KIF26B: variants seen among roughly 807,000 people sequenced by gnomAD.
KIF26B encodes the protein kinesin-like protein KIF26B.
Under a neutral mutation model 151.2 loss-of-function variants are expected in KIF26B, and 63 were observed. The observed-to-expected ratio is 0.42, with a 90% CI of 0.34 to 0.51. KIF26B has a LOEUF of 0.51. Ranked by LOEUF, KIF26B falls within the 20% of genes least tolerant of loss-of-function variation. The probability of loss-of-function intolerance (pLI) is 0.07; values close to 1 mark genes in which losing one functional copy is unlikely to be tolerated. For missense variants in KIF26B, 2,813 were observed against 2,913.6 expected, an observed-to-expected ratio of 0.97 and a Z score of 0.79; for synonymous variants, 1,357 against 1,262.1, an observed-to-expected ratio of 1.08 and a Z score of -1.59.
chr1:245,487,752 C>T (rs1166525260), intron 4 of KIF26B, among the ~76,000 whole-genome samples: 1 of 150,916 alleles, frequency 6.6e-6, no homozygotes, highest in African/African-American at 2.4e-5. Context: ...CACATGTCAC[C>T]ACATCCAGCT....
At chr1:245,508,972 T>A (rs1352593672) in intron 4 of KIF26B, among the ~76,000 whole-genome samples, 1 of 152,232 alleles carries the variant, frequency 6.6e-6, no homozygotes, top group Non-Finnish European at 1.5e-5. Flanking sequence ...AAGTGTTTCT[T>A]TACTGTGAAG....
intron 2 of KIF26B, among the ~76,000 whole-genome samples, chr1:245,279,306 CT>C (rs5782332): frequency 2.4e-3 from 319 of 132,590 alleles, no homozygotes; most frequent in African/African-American, 2.5e-3. Context: ...TTTTTTCTTT[CT>C]TTTTTTTTTT....
intron 3 of KIF26B, among the ~76,000 whole-genome samples, chr1:245,404,226 T>C (rs945383303): frequency 2.5e-4 from 36 of 145,584 alleles, no homozygotes; most frequent in African/African-American, 9.4e-4. Flanking sequence ...TTTTTTTTTA[T>C]AAAGCGTAGA....
chr1:245,702,319 C>G lies in KIF26B; in HGVS notation c.6179-139C>G. On this transcript the variant is annotated intron_variant, in intron 14 of 14. Coordinates refer to ENST00000407071, the MANE Select transcript of KIF26B (RefSeq NM_018012.4). The surrounding 1 kb of genome is among the most constrained non-coding windows in gnomAD (Gnocchi z 4.1). Reference sequence around the variant, plus strand: ...GCCGAGAATCAGGCAGGAGGGAACTCTGCAGTGGCCTAAGGCAAGCGAACT... The same window carrying G: ...GCCGAGAATCAGGCAGGAGGGAACTGTGCAGTGGCCTAAGGCAAGCGAACT... The G allele has an allele frequency of 1.3e-6, 1 of 783,450 alleles. No homozygotes were observed. The highest frequency in any genetic ancestry group is 2.1e-6 in the Non-Finnish European group (1 of 485,018). The allele number at this position is 783,450 out of a possible 1,614,324, so 48.5% of individuals were successfully genotyped here.
chr1:245,437,244 G>A (rs1452921902), intron 4 of KIF26B, among the ~76,000 whole-genome samples: 1 of 152,136 alleles, frequency 6.6e-6, no homozygotes, highest in Non-Finnish European at 1.5e-5. Flanking sequence ...CAGACTCTCA[G>A]GTGGCACTCA....
intron 9 of KIF26B, among the ~76,000 whole-genome samples, chr1:245,634,870 G>A (rs1441391697): frequency 1.3e-5 from 2 of 151,904 alleles, no homozygotes; most frequent in African/African-American, 4.8e-5. Flanking sequence ...GCACCACTGT[G>A]CCCAGCTAAT....
Position 245,687,763 on chromosome 1 carries a change from G to C in KIF26B, c.4780G>C (p.Gly1594Arg), listed in dbSNP as rs1201899670. 4 of 1,580,958 alleles carry C rather than the reference G, an allele frequency of 2.5e-6. No homozygotes were observed. The East Asian group carries it at 9.4e-5, about 37-fold the overall frequency. ...GCACTGTGTTCTGGCTCGGCCCAAA[G>C]GGACTCCCCCTCTGCCCCCTGTCCG... ...PKHCVLARPKGTPPLPPVRKS... is the reference protein window; with the variant it reads ...PKHCVLARPKRTPPLPPVRKS... Residue 1594 changes from glycine (G) to arginine (R), a missense_variant, in exon 12 of 15, where the codon GGG (glycine) becomes CGG (arginine). Gly to Arg is a moderately radical substitution (Grantham distance 125). Around this residue, in one of 3 missense-constraint regions of KIF26B, gnomAD observed 2,060 missense variants for 2,088.6 expected, o/e 0.99. Coordinates refer to ENST00000407071, the MANE Select transcript of KIF26B (RefSeq NM_018012.4). This position sits in a 1 kb window ranked among gnomAD's most constrained non-coding sequence, Gnocchi z 4.9.
chr1:245,610,106 C>G (rs2043503033), intron 8 of KIF26B, among the ~76,000 whole-genome samples: 1 of 152,212 alleles, frequency 6.6e-6, no homozygotes, highest in Non-Finnish European at 1.5e-5. Flanking sequence ...GACCCGGGAG[C>G]TGCAATTCAT....
intron 2 of KIF26B, among the ~76,000 whole-genome samples, chr1:245,294,878 G>A (rs1671312163): frequency 6.6e-6 from 1 of 152,138 alleles, no homozygotes; most frequent in Admixed American, 6.5e-5. Context: ...GGCCAGGCTG[G>A]TCTCGAACTC....
At chr1:245,463,664 G>A (rs1341303416) in intron 4 of KIF26B, among the ~76,000 whole-genome samples, 1 of 152,180 alleles carries the variant, frequency 6.6e-6, no homozygotes, top group Admixed American at 6.5e-5. Flanking sequence ...CCTATTGCCT[G>A]CTGTCCTGTG....
intron 2 of KIF26B, among the ~76,000 whole-genome samples, chr1:245,195,053 T>A (rs1669168327): frequency 6.6e-6 from 1 of 152,220 alleles, no homozygotes; most frequent in South Asian, 2.1e-4. Flanking sequence ...TTACTTTTTA[T>A]GGGCTCTACT....
Position 245,375,189 on chromosome 1 carries a change from C to T in KIF26B, c.999+7822C>T, listed in dbSNP as rs1452095806. Among the ~76,000 whole-genome samples the T allele has an allele frequency of 1.3e-5, 2 of 152,112 alleles. No individual in the cohort carries two copies. Among genetic ancestry groups the T allele is most frequent in the East Asian group, 1.9e-4 (1 of 5,174 alleles). ...GCAACCTCCACCTCCCAGGTTCAAG[C>T]GATTCTCCTGCCTCAACCTCGGGAT... On this transcript the variant is annotated intron_variant, in intron 3 of 14. Coordinates refer to ENST00000407071, the MANE Select transcript of KIF26B (RefSeq NM_018012.4). This position sits in a 1 kb window ranked among gnomAD's most constrained non-coding sequence, Gnocchi z 4.2.
intron 4 of KIF26B, among the ~76,000 whole-genome samples, chr1:245,510,476 C>T (rs1374217009): frequency 1.3e-5 from 2 of 152,032 alleles, no homozygotes; most frequent in Non-Finnish European, 2.9e-5. Context: ...TTGATTTTGA[C>T]AGTATATTTT....
intron 2 of KIF26B, among the ~76,000 whole-genome samples, chr1:245,306,480 A>G (rs1671541333): frequency 6.6e-6 from 1 of 152,250 alleles, no homozygotes; most frequent in African/African-American, 2.4e-5. Flanking sequence ...ACTAAAAAGC[A>G]TAGAATTGTA....
At chr1:245,618,518 A>G (rs1162879664) in intron 9 of KIF26B, among the ~76,000 whole-genome samples, 1 of 144,806 alleles carries the variant, frequency 6.9e-6, no homozygotes, top group East Asian at 2.1e-4. Flanking sequence ...ATTAGACTAT[A>G]GGGTCCTTGA....
intron 5 of KIF26B, among the ~76,000 whole-genome samples, chr1:245,561,875 C>T (rs1323319335): frequency 3.9e-5 from 6 of 152,216 alleles, no homozygotes; most frequent in South Asian, 4.1e-4. Context: ...CTGATTCTCA[C>T]TACTGACGTA....
In KIF26B at chr1:245,374,640, G is replaced by A. The variant is rs1437158686; in HGVS notation, c.999+7273G>A. On this transcript the variant is annotated intron_variant, in intron 3 of 14. Transcript: ENST00000407071. ...GTCAGGCAATAGTGTAAGATGCCAC[G>A]ATTAGACCAATTATGACGTGGAAGA... Among the ~76,000 whole-genome samples, 4 of 152,168 alleles carry A rather than the reference G, an allele frequency of 2.6e-5. No individual in the cohort carries two copies. In the East Asian group the frequency reaches 7.7e-4, roughly 29 times the overall value.
chr1:245,664,690 A>C (rs2044194128), intron 10 of KIF26B, among the ~76,000 whole-genome samples: 1 of 152,230 alleles, frequency 6.6e-6, no homozygotes, highest in Non-Finnish European at 1.5e-5. Flanking sequence ...AAAAAGGTTA[A>C]AACTGCTTTA....
At chr1:245,513,005 GAGAC>G (rs1449296142) in intron 4 of KIF26B, among the ~76,000 whole-genome samples, 2 of 152,160 alleles carry the variant, frequency 1.3e-5, no homozygotes, top group East Asian at 1.9e-4. Context: ...TGGGTTAGGG[GAGAC>G]AGACAGTCTT....
Sources: allele counts gnomAD v4.1 joint callset (sites outside exome capture counted in the v4.1 genomes callset), GRCh38; gene constraint gnomAD v4.1.1; regional missense constraint gnomAD v4.1.1; non-coding constraint Gnocchi (gnomAD v3.1); transcripts MANE v1.5; gene names NCBI Gene and HGNC (gene_info 2026-07-23, HGNC 2026-07-21).